Variants in SVEP1 observed in about 807,000 individuals in gnomAD.
SVEP1 encodes the protein sushi, von Willebrand factor type A, EGF and pentraxin domain-containing protein 1.
SVEP1 carries 164 observed loss-of-function variants against 367.3 expected under a neutral mutation model. That is an observed-to-expected ratio of 0.45 (90% confidence interval 0.39 to 0.51). SVEP1 has a LOEUF of 0.51. Ranked by LOEUF, SVEP1 falls within the 20% of genes least tolerant of loss-of-function variation. The probability of loss-of-function intolerance (pLI) is 0.00; values close to 1 mark genes in which losing one functional copy is unlikely to be tolerated. For missense variants in SVEP1, 4,117 were observed against 4,425.3 expected (o/e 0.93, Z 1.98); for synonymous variants, 1,666 against 1,611.6 (o/e 1.03, Z -0.81).
intron 5 of SVEP1, among the ~76,000 whole-genome samples, chr9:110,504,220 A>AT (rs35561615): frequency 0.5 from 73,957 of 146,818 alleles, 18,395 homozygotes; most frequent in Non-Finnish European, 0.52. Context: ...ACGCCCGGCT[A>AT]TTTTTTTTTT....
chr9:110,435,142 A>C, intron 29 of SVEP1, 99 bp downstream of exon 29: 1 of 1,360,980 alleles, frequency 7.3e-7, no homozygotes, highest in Non-Finnish European at 9.7e-7. Flanking sequence ...ACAGTCACAT[A>C]CGATTGGACC....
intron 40 of SVEP1, among the ~76,000 whole-genome samples, chr9:110,390,725 A>G (rs1217957453): frequency 1.3e-5 from 2 of 152,132 alleles, no homozygotes; most frequent in African/African-American, 4.8e-5. Context: ...AACTCTGAAA[A>G]GGGTACTGCT....
intron 1 of SVEP1, among the ~76,000 whole-genome samples, chr9:110,573,671 G>A (rs952421594): frequency 6.6e-6 from 1 of 152,016 alleles, no homozygotes; most frequent in Non-Finnish European, 1.5e-5. Flanking sequence ...TGTGAAATAC[G>A]TAGGATTGAG....
At chr9:110,491,437 T>C (rs1829364294) in intron 8 of SVEP1, among the ~76,000 whole-genome samples, 1 of 152,046 alleles carries the variant, frequency 6.6e-6, no homozygotes, top group Non-Finnish European at 1.5e-5. Context: ...CACCTGCCAA[T>C]GTTTTATATT....
intron 6 of SVEP1, among the ~76,000 whole-genome samples, chr9:110,501,515 G>GT (rs398113797): frequency 6.6e-6 from 1 of 151,192 alleles, no homozygotes; most frequent in Non-Finnish European, 1.5e-5. Context: ...TGTGGGGGGG[G>GT]CAGGCTTGTA....
chr9:110,479,094 A>G (rs1022419481), intron 13 of SVEP1, among the ~76,000 whole-genome samples: 2 of 151,484 alleles, frequency 1.3e-5, no homozygotes, highest in African/African-American at 4.9e-5. Flanking sequence ...GTTTTTTTGT[A>G]TTTTTACTAG....
At position 110,481,387 on chromosome 9, in the gene SVEP1, G is replaced by A. The variant is rs756243230; in HGVS notation, c.2220C>T (p.Cys740=). ...PFTPVNGDFI[C]TPDNTGVNCT... is the part of the protein sequence containing the mutation. ...AGTTGACTCCAGTATTATCTGGAGT[G>A]CATATAAAATCCCCATTTACAGGTG... Residue 740 remains cysteine, a synonymous_variant, in exon 12 of 48, where the codon TGC becomes TGT. Coordinates refer to ENST00000374469, the MANE Select transcript of SVEP1 (RefSeq NM_153366.4). 11 of 1,604,308 alleles carry A rather than the reference G, an allele frequency of 6.9e-6. No individual in the cohort carries two copies. Among genetic ancestry groups the A allele is most frequent in the Middle Eastern group, 3.3e-4 (2 of 6,026 alleles).
intron 39 of SVEP1, among the ~76,000 whole-genome samples, chr9:110,402,820 GT>G (rs1000063051): frequency 6.6e-6 from 1 of 152,102 alleles, no homozygotes; most frequent in Admixed American, 6.5e-5. Flanking sequence ...TTGAAGGCAA[GT>G]TAATAATTTG....
chr9:110,474,001 T>C (rs1829061398), intron 14 of SVEP1, among the ~76,000 whole-genome samples: 1 of 152,196 alleles, frequency 6.6e-6, no homozygotes, highest in African/African-American at 2.4e-5. Flanking sequence ...CATTCCACTT[T>C]AGTTATTTTA....
In SVEP1 at chr9:110,402,272, T is replaced by C. The variant is rs147992294; in HGVS notation, c.9667-1263A>G. Among the ~76,000 whole-genome samples, 30 of 152,304 alleles carry C rather than the reference T, an allele frequency of 2.0e-4. No individual in the cohort carries two copies. The East Asian group carries it at 4.4e-3, about 23-fold the overall frequency. ...ATTTTTACTCCTATGTAATTTTACATGAATACTACACTAAGAGTTTTGTAA... is the reference window on the plus strand; with the variant it reads ...ATTTTTACTCCTATGTAATTTTACACGAATACTACACTAAGAGTTTTGTAA... On this transcript the variant is annotated intron_variant, in intron 39 of 47. Transcript: ENST00000374469.
intron 40 of SVEP1, among the ~76,000 whole-genome samples, chr9:110,390,268 T>C (rs1179547053): frequency 3.3e-5 from 4 of 120,338 alleles, no homozygotes; most frequent in Non-Finnish European, 3.4e-5. Flanking sequence ...AGTATGTATA[T>C]ATATACTTAT....
intron 3 of SVEP1, among the ~76,000 whole-genome samples, chr9:110,545,687 G>A (rs957191043): frequency 1.3e-5 from 2 of 152,078 alleles, no homozygotes; most frequent in African/African-American, 4.8e-5. Context: ...TGTTTTATTA[G>A]ACTAATTACA....
At chr9:110,458,432 G>A in intron 20 of SVEP1, 39 bp downstream of exon 20, 2 of 1,555,836 alleles carry the variant, frequency 1.3e-6, no homozygotes, top group South Asian at 1.2e-5. Flanking sequence ...TGCTTTCCAA[G>A]CATTCCACTA....
intron 9 of SVEP1, 70 bp from the exon 10 acceptor site, chr9:110,483,763 A>G (rs1829235223): frequency 8.2e-7 from 1 of 1,218,238 alleles, no homozygotes; most frequent in South Asian, 1.8e-5. Context: ...TTTTCAAAAG[A>G]GAACTGAAGT....
chr9:110,391,340 G>T (rs946647339), intron 40 of SVEP1, among the ~76,000 whole-genome samples: 2 of 149,872 alleles, frequency 1.3e-5, no homozygotes, highest in Non-Finnish European at 3.0e-5. Flanking sequence ...GTGCAATCTC[G>T]GCTCTCTGCA....
chr9:110,429,240 T>C lies in SVEP1; in HGVS notation c.5710A>G (p.Lys1904Glu). The C allele has an allele frequency of 6.3e-7, 1 of 1,596,126 alleles. No homozygotes were observed. Among genetic ancestry groups the C allele is most frequent in the South Asian group, 1.1e-5 (1 of 88,040 alleles). Residue 1904 changes from lysine to glutamate, a missense_variant, in exon 35 of 48, where the codon AAG becomes GAG. Physicochemically the swap from Lys to Glu is moderately conservative, Grantham distance 56. Around this residue, in one of 4 missense-constraint regions of SVEP1, gnomAD observed 2,174 missense variants for 2,494.3 expected, o/e 0.87. Transcript: ENST00000374469. ...SHSPPVCEPV[K>E]CSSPENINNG... The stretch of plus-strand genomic sequence containing the variant: ...TTTATATTTTCCGGACTAGAACACT[T>C]CACTGGTTCACACACAGGAGGGGAA...
At chr9:110,543,126 C>T (rs1564172224) in intron 3 of SVEP1, among the ~76,000 whole-genome samples, 1 of 151,996 alleles carries the variant, frequency 6.6e-6, no homozygotes, top group Non-Finnish European at 1.5e-5. Flanking sequence ...GATATAATTT[C>T]TTTTCTCTTA....
intron 22 of SVEP1, among the ~76,000 whole-genome samples, chr9:110,452,781 A>G (rs1298488832): frequency 6.6e-6 from 1 of 152,242 alleles, no homozygotes; most frequent in Non-Finnish European, 1.5e-5. Context: ...CCTGTCCACT[A>G]TAATTGATAG....
intron 27 of SVEP1, among the ~76,000 whole-genome samples, chr9:110,441,089 A>G (rs1031971522): frequency 1.3e-5 from 2 of 152,168 alleles, no homozygotes; most frequent in Admixed American, 1.3e-4. Flanking sequence ...ATATTTGGGT[A>G]ATTAGGCATA....
Sources: allele counts gnomAD v4.1 joint callset (sites outside exome capture counted in the v4.1 genomes callset), GRCh38; gene constraint gnomAD v4.1.1; regional missense constraint gnomAD v4.1.1; transcripts MANE v1.5; gene names NCBI Gene and HGNC (gene_info 2026-07-23, HGNC 2026-07-21).